UBE2F: variants seen among roughly 807,000 people sequenced by gnomAD.
The protein encoded by UBE2F is ubiquitin conjugating enzyme E2 F (putative).
Under a neutral mutation model 29.6 loss-of-function variants are expected in UBE2F, and 5 were observed. The observed-to-expected ratio is 0.17, with a 90% confidence interval of 0.09 to 0.36. The LOEUF (loss-of-function observed/expected upper bound fraction) is 0.36. UBE2F is among the 10% of genes least tolerant of loss of function. The probability of loss-of-function intolerance (pLI) is 1.00; values close to 1 mark genes in which losing one functional copy is unlikely to be tolerated. For missense variants in UBE2F, 141 were observed against 228.5 expected, an observed-to-expected ratio of 0.62 and a Z score of 2.47; for synonymous variants, 66 against 81.8, an observed-to-expected ratio of 0.81 and a Z score of 1.04.
chr2:238,026,555 T>A (rs2002934), intron 6 of UBE2F, among the ~76,000 whole-genome samples: 12,892 of 152,044 alleles, frequency 0.085, 672 homozygotes, highest in African/African-American at 0.15. Flanking sequence ...TGCCTCAGCG[T>A]CCCGAGTAGC....
At chr2:237,970,726 T>C (rs1199753324) in intron 1 of UBE2F, among the ~76,000 whole-genome samples, 2 of 152,246 alleles carry the variant, frequency 1.3e-5, no homozygotes, top group Non-Finnish European at 2.9e-5. Context: ...AATTTTTTTA[T>C]CTTTTGAGAT....
intron 5 of UBE2F, among the ~76,000 whole-genome samples, chr2:238,022,657 CTG>C (rs534017522): frequency 3.9e-5 from 6 of 152,188 alleles, no homozygotes; most frequent in Admixed American, 6.6e-5. Context: ...ATTTGGAACA[CTG>C]TGTTTTTCCA....
At chr2:238,021,118 A>G (rs563988872) in intron 5 of UBE2F, among the ~76,000 whole-genome samples, 7 of 152,158 alleles carry the variant, frequency 4.6e-5, no homozygotes, top group Non-Finnish European at 1.0e-4. Flanking sequence ...AGGAGAAAGG[A>G]TTACAGCTCT....
Position 237,973,241 on chromosome 2 carries a change from G to A in UBE2F, c.118+16G>A. On this transcript the variant is annotated intron_variant, in intron 2 of 9. Coordinates refer to ENST00000272930, the MANE Select transcript of UBE2F (RefSeq NM_080678.3). ...CTTGTTAAAGGTAATGATCATTCGTGTGAACTGTTTTTATATCCTATAACA... is the reference window on the plus strand; with the variant it reads ...CTTGTTAAAGGTAATGATCATTCGTATGAACTGTTTTTATATCCTATAACA... The A allele has an allele frequency of 6.2e-7, 1 of 1,611,174 alleles. No individual in the cohort carries two copies. Among genetic ancestry groups the A allele is most frequent in the Non-Finnish European group, 8.5e-7 (1 of 1,177,474 alleles).
intron 1 of UBE2F, among the ~76,000 whole-genome samples, chr2:237,970,645 C>G (rs774251210): frequency 6.6e-6 from 1 of 152,168 alleles, no homozygotes; most frequent in African/African-American, 2.4e-5. Context: ...TCCGTGTCCT[C>G]TAGTGGAAAA....
chr2:237,980,793 T>C (rs1004876592), intron 2 of UBE2F, among the ~76,000 whole-genome samples: 6 of 152,136 alleles, frequency 3.9e-5, no homozygotes, highest in African/African-American at 9.7e-5. Context: ...ACTGAGCTCA[T>C]AGGGCTTGGG....
chr2:237,997,133 A>G (rs2063707797), intron 4 of UBE2F, among the ~76,000 whole-genome samples: 1 of 152,154 alleles, frequency 6.6e-6, no homozygotes, highest in Non-Finnish European at 1.5e-5. Context: ...AGGCTGAGGC[A>G]GGAGAATTGC....
At chr2:238,025,652 G>T (rs552471998) in intron 6 of UBE2F, among the ~76,000 whole-genome samples, 1 of 152,286 alleles carries the variant, frequency 6.6e-6, no homozygotes, top group East Asian at 1.9e-4. Context: ...AGTTCTTAGT[G>T]CAGCCTCCTT....
chr2:238,037,147 GTCAT>G (rs2064730518), intron 9 of UBE2F, among the ~76,000 whole-genome samples: 2 of 152,006 alleles, frequency 1.3e-5, no homozygotes, highest in African/African-American at 4.8e-5. Flanking sequence ...TAAATGATCA[GTCAT>G]TCATTTCAGG....
rs1184280134 is a variant in UBE2F, at chr2:238,040,613, T to G, written c.508-675T>G. Among the ~76,000 whole-genome samples, 1 of 152,060 alleles carries G rather than the reference T, an allele frequency of 6.6e-6. No individual in the cohort carries two copies. Among genetic ancestry groups the G allele is most frequent in the East Asian group, 1.9e-4 (1 of 5,182 alleles). ...GTCCCATGGGATTTTACTCCTAACC[T>G]TGGGGAGACCAGATCCAGGGACAAA... On this transcript the variant is annotated intron_variant, in intron 9 of 9. Transcript: ENST00000272930. This position sits in a 1 kb window ranked among gnomAD's most constrained non-coding sequence, Gnocchi z 4.4.
chr2:238,014,898 A>G (rs897396867), intron 4 of UBE2F, among the ~76,000 whole-genome samples: 2 of 152,234 alleles, frequency 1.3e-5, no homozygotes, highest in East Asian at 1.9e-4. Flanking sequence ...CCAAACAAGT[A>G]TCTTTGCCAG....
At chr2:238,004,605 A>C (rs2063863935) in intron 4 of UBE2F, among the ~76,000 whole-genome samples, 1 of 152,192 alleles carries the variant, frequency 6.6e-6, no homozygotes, top group Non-Finnish European at 1.5e-5. Flanking sequence ...TGGTTGGCAG[A>C]ATAATGGCCC....
chr2:238,009,075 A>AT (rs1218934900), intron 4 of UBE2F, among the ~76,000 whole-genome samples: 1 of 152,114 alleles, frequency 6.6e-6, no homozygotes, highest in Non-Finnish European at 1.5e-5. Context: ...TGCCTTCTGT[A>AT]TTTTTTCCTT....
chr2:237,984,352 C>T (rs2106338267), intron 2 of UBE2F, among the ~76,000 whole-genome samples: 1 of 152,356 alleles, frequency 6.6e-6, no homozygotes, highest in South Asian at 2.1e-4. Flanking sequence ...CAATGGCTCC[C>T]TCCACGCTCC....
chr2:238,026,972 GC>G (rs1420903383), intron 6 of UBE2F, among the ~76,000 whole-genome samples: 1 of 152,186 alleles, frequency 6.6e-6, no homozygotes, highest in African/African-American at 2.4e-5. Context: ...GGCCCCCACT[GC>G]CCCGCTTCCT....
chr2:238,021,068 C>T (rs56371934), intron 5 of UBE2F, among the ~76,000 whole-genome samples: 10,887 of 152,202 alleles, frequency 0.072, 424 homozygotes, highest in African/African-American at 0.11. Flanking sequence ...CCCTCAGGTG[C>T]GTCGGTCAGG....
At chr2:237,990,167 G>A (rs4663276) in intron 3 of UBE2F, among the ~76,000 whole-genome samples, 126,467 of 147,338 alleles carry the variant, frequency 0.86, 54,426 homozygotes, top group East Asian at 0.97. Flanking sequence ...ATTTACAGAT[G>A]AAGTAGTTTG....
In UBE2F at chr2:237,987,974, C is replaced by A; in HGVS notation, c.130C>A (p.Leu44Ile). Residue 44 changes from leucine to isoleucine, a missense_variant, in exon 3 of 10, where the codon CTT (leucine) becomes ATT (isoleucine). Transcript: ENST00000272930. ...CTTTGTTTCTACAGAGGTTGCAGAA[C>A]TTGAAGCTAATTTACCTTGTAAGTA... ...DKLLVKEVAELEANLPCTCKV... is the reference protein window; with the variant it reads ...DKLLVKEVAEIEANLPCTCKV... 1 of 1,505,028 alleles carries A rather than the reference C, an allele frequency of 6.6e-7. No individual in the cohort carries two copies. Among genetic ancestry groups the A allele is most frequent in the Non-Finnish European group, 8.9e-7 (1 of 1,122,696 alleles). The allele number at this position is 1,505,028 out of a possible 1,614,324, so 93.2% of individuals were successfully genotyped here.
intron 9 of UBE2F, among the ~76,000 whole-genome samples, chr2:238,039,956 G>A (rs1054005364): frequency 2.6e-5 from 4 of 152,220 alleles, no homozygotes; most frequent in Non-Finnish European, 4.4e-5. Context: ...GCCTTGAGAA[G>A]GTTTTGTAAA....
Sources: allele counts gnomAD v4.1 joint callset (sites outside exome capture counted in the v4.1 genomes callset), GRCh38; gene constraint gnomAD v4.1.1; non-coding constraint Gnocchi (gnomAD v3.1); transcripts MANE v1.5; gene names NCBI Gene and HGNC (gene_info 2026-07-23, HGNC 2026-07-21).